CDYL: variants seen among roughly 807,000 people sequenced by gnomAD.
CDYL encodes chromodomain Y like, also known as chromodomain Y-like protein.
CDYL carries 8 observed loss-of-function variants against 47.3 expected under a neutral mutation model. That is an observed-to-expected ratio of 0.17 (90% CI 0.10 to 0.31). CDYL has a LOEUF of 0.31. Ranked by LOEUF, CDYL falls within the 10% of genes least tolerant of loss-of-function variation. CDYL has a pLI of 1.00. For synonymous variants in CDYL, 266 were observed against 265.0 expected, an observed-to-expected ratio of 1.00 and a Z score of -0.04; for missense variants, 471 against 701.4, an observed-to-expected ratio of 0.67 and a Z score of 3.71.
At chr6:4,761,527 A>G (rs1176969747) in intron 3 of CDYL, among the ~76,000 whole-genome samples, 1 of 151,734 alleles carries the variant, frequency 6.6e-6, no homozygotes, top group Non-Finnish European at 1.5e-5. Flanking sequence ...TATTTTTAAT[A>G]GAGACAGGGT....
At chr6:4,867,014 A>G (rs904836512) in intron 1 of CDYL, among the ~76,000 whole-genome samples, 4 of 152,156 alleles carry the variant, frequency 2.6e-5, no homozygotes, top group Admixed American at 2.0e-4. Context: ...AGTATAACAA[A>G]TAATTGTGAA....
intron 1 of CDYL, among the ~76,000 whole-genome samples, chr6:4,809,492 T>C (rs901918535): frequency 8.5e-5 from 13 of 152,232 alleles, no homozygotes; most frequent in Non-Finnish European, 1.3e-4. Flanking sequence ...CTTTGTATGA[T>C]AGGGATATTA....
At position 4,892,278 on chromosome 6, in the gene CDYL, G is replaced by T. The variant is rs1483553358; in HGVS notation, c.590G>T (p.Arg197Met). Residue 197 changes from arginine to methionine, a missense_variant, in exon 2 of 7, where the codon AGG becomes ATG. Physicochemically the swap from Arg to Met is moderately conservative, Grantham distance 91. Around this residue, in one of 3 missense-constraint regions of CDYL, gnomAD observed 311 missense variants for 350.0 expected, o/e 0.89. Transcript: ENST00000397588. ...VGALLGPGAE[R>M]ARMGSRPRIH... ...GCTTTATTGGGCCCCGGTGCCGAGA[G>T]GGCCAGGATGGGGAGCAGGCCCAGG... is the stretch of plus-strand genomic sequence containing the variant. 6.2e-7 allele frequency: 1 copy of T among 1,614,058 alleles called. No individual in the cohort carries two copies. Among genetic ancestry groups the T allele is most frequent in the Non-Finnish European group, 8.5e-7 (1 of 1,180,054 alleles).
chr6:4,905,058 C>T (rs1326042471), intron 2 of CDYL, among the ~76,000 whole-genome samples: 1 of 152,170 alleles, frequency 6.6e-6, no homozygotes, highest in African/African-American at 2.4e-5. Flanking sequence ...TGCTCTACCC[C>T]TAGCGTGATC....
chr6:4,799,263 A>T (rs1229603229), intron 1 of CDYL, among the ~76,000 whole-genome samples: 3 of 152,104 alleles, frequency 2.0e-5, no homozygotes, highest in African/African-American at 7.2e-5. Context: ...GTCAAAGCAC[A>T]TTTCCTATAA....
At chr6:4,844,338 G>A (rs1231154228) in intron 1 of CDYL, among the ~76,000 whole-genome samples, 1 of 152,192 alleles carries the variant, frequency 6.6e-6, no homozygotes. Flanking sequence ...GGATCAGGTG[G>A]TGTGGGGGCC....
At chr6:4,900,975 G>A (rs1757034236) in intron 2 of CDYL, among the ~76,000 whole-genome samples, 1 of 150,512 alleles carries the variant, frequency 6.6e-6, no homozygotes, top group South Asian at 2.1e-4. Context: ...CCTAAAAAGA[G>A]GTCCATGATT....
At chr6:4,736,659 C>CTT (rs112053760) in intron 3 of CDYL, among the ~76,000 whole-genome samples, 4 of 144,624 alleles carry the variant, frequency 2.8e-5, no homozygotes, top group Non-Finnish European at 6.1e-5. Flanking sequence ...TGCTACTCAG[C>CTT]TTTTTTTTTT....
chr6:4,821,508 C>T (rs1377356340), intron 1 of CDYL, among the ~76,000 whole-genome samples: 1 of 151,906 alleles, frequency 6.6e-6, no homozygotes, highest in Middle Eastern at 3.4e-3. Context: ...CCGAAGCGGG[C>T]GGATCACTTG....
chr6:4,743,878 C>T (rs758359173), intron 3 of CDYL, among the ~76,000 whole-genome samples: 2 of 152,144 alleles, frequency 1.3e-5, no homozygotes, highest in Non-Finnish European at 2.9e-5. Flanking sequence ...TATAACAGTT[C>T]CTAGTAATAA....
intron 3 of CDYL, among the ~76,000 whole-genome samples, chr6:4,767,659 A>C (rs1298593872): frequency 1.3e-5 from 2 of 152,106 alleles, no homozygotes; most frequent in Non-Finnish European, 1.5e-5. Flanking sequence ...AATCTAATTA[A>C]ATAGGCCTAC....
chr6:4,910,935 G>A (rs1757395423), intron 2 of CDYL, among the ~76,000 whole-genome samples: 2 of 151,840 alleles, frequency 1.3e-5, no homozygotes, highest in Admixed American at 6.6e-5. Flanking sequence ...CCAGGTTCAC[G>A]CCATTCTCCT....
chr6:4,763,359 T>C (rs1323977057), intron 3 of CDYL, among the ~76,000 whole-genome samples: 1 of 152,072 alleles, frequency 6.6e-6, no homozygotes, highest in East Asian at 1.9e-4. Flanking sequence ...TAAATAAATA[T>C]TGATTGCATA....
chr6:4,912,713 C>G (rs1348847331), intron 2 of CDYL, among the ~76,000 whole-genome samples: 5 of 152,122 alleles, frequency 3.3e-5, no homozygotes, highest in African/African-American at 1.2e-4. Flanking sequence ...ATCAAGGGGC[C>G]CCCTCTGGTG....
rs552158864 is a variant in CDYL at position 4,717,187 on chromosome 6, T to G, written c.103+1306T>G. On this transcript the variant is annotated intron_variant, in intron 2 of 8. Transcript: ENST00000328908. ...GGGCTCACACCTGAGACTCCAGTAC[T>G]TTAAAGAGGCTGAGGCAGGAGGATC... Among the ~76,000 whole-genome samples, 3 of 152,254 alleles carry G rather than the reference T, an allele frequency of 2.0e-5. No individual in the cohort carries two copies. In the South Asian group the frequency reaches 6.2e-4, roughly 32 times the overall value.
intron 1 of CDYL, among the ~76,000 whole-genome samples, chr6:4,867,887 T>C (rs1268345092): frequency 6.6e-6 from 1 of 151,988 alleles, no homozygotes; most frequent in Non-Finnish European, 1.5e-5. Context: ...TTGCTTAGTT[T>C]GTTGACATAG....
chr6:4,923,542 T>TG (rs1757777696), intron 2 of CDYL, among the ~76,000 whole-genome samples: 1 of 152,218 alleles, frequency 6.6e-6, no homozygotes, highest in Admixed American at 6.5e-5. Flanking sequence ...GGAGTGCAGA[T>TG]GCCTCTTTGA....
At chr6:4,912,296 C>T (rs1757437515) in intron 2 of CDYL, among the ~76,000 whole-genome samples, 1 of 152,148 alleles carries the variant, frequency 6.6e-6, no homozygotes, top group South Asian at 2.1e-4. Flanking sequence ...CTGATTTGAC[C>T]CATTCTTCCT....
chr6:4,724,227 T>TA (rs1757439826), intron 2 of CDYL, among the ~76,000 whole-genome samples: 2 of 151,008 alleles, frequency 1.3e-5, no homozygotes, highest in East Asian at 1.9e-4. Context: ...TTTTTTTTTT[T>TA]AAGTAGAGAC....
Sources: gnomAD v4.1 joint callset for allele counts (sites outside exome capture counted in the v4.1 genomes callset) on GRCh38, gnomAD v4.1.1 for gene constraint, gnomAD v4.1.1 regional missense constraint, MANE v1.5 for transcripts, NCBI Gene and HGNC (gene_info 2026-07-23, HGNC 2026-07-21) for gene names.